Variants in DPP6 observed in about 807,000 individuals in gnomAD.
DPP6 encodes dipeptidyl peptidase like 6, also known as A-type potassium channel modulatory protein DPP6.
DPP6 carries 69 observed loss-of-function variants against 122.6 expected under a neutral mutation model. That is an observed-to-expected ratio of 0.56 (90% CI 0.46 to 0.69). The LOEUF is 0.69. DPP6 is among the 30% of genes least tolerant of loss of function. DPP6 has a pLI of 0.00. For missense variants in DPP6, 928 were observed against 1,116.9 expected (o/e 0.83, Z 2.41); for synonymous variants, 418 against 433.1 (o/e 0.97, Z 0.43).
intron 1 of DPP6, among the ~76,000 whole-genome samples, chr7:154,401,198 G>GAAAAAAAAAAA (rs201846972): frequency 7.3e-6 from 1 of 137,864 alleles, no homozygotes; most frequent in Admixed American, 7.2e-5. Flanking sequence ...CTCCATCTCA[G>GAAAAAAAAAAA]AAAAAACAAA....
At chr7:154,699,838 G>T (rs1185486656) in intron 7 of DPP6, among the ~76,000 whole-genome samples, 2 of 152,190 alleles carry the variant, frequency 1.3e-5, no homozygotes, top group Non-Finnish European at 2.9e-5. Context: ...CTGCATCTCA[G>T]TTCCATAAAG....
intron 1 of DPP6, among the ~76,000 whole-genome samples, chr7:153,891,044 T>C (rs1410015739): frequency 4.8e-5 from 5 of 103,870 alleles, no homozygotes; most frequent in African/African-American, 1.1e-4. Flanking sequence ...TTTTTTGAGA[T>C]GGAGTCTCAC....
At chr7:154,828,172 C>T (rs1175491874) in intron 16 of DPP6, among the ~76,000 whole-genome samples, 2 of 152,206 alleles carry the variant, frequency 1.3e-5, no homozygotes, top group East Asian at 1.9e-4. Flanking sequence ...TGGAGGAGAA[C>T]GCCTTATTCG....
chr7:153,901,517 A>T (rs972773099), intron 1 of DPP6, among the ~76,000 whole-genome samples: 2 of 152,216 alleles, frequency 1.3e-5, no homozygotes, highest in Non-Finnish European at 2.9e-5. Flanking sequence ...ATAAAGCAAC[A>T]CAGAAGAAGG....
intron 16 of DPP6, among the ~76,000 whole-genome samples, chr7:154,846,614 G>A (rs902679954): frequency 3.9e-5 from 6 of 152,150 alleles, no homozygotes; most frequent in Non-Finnish European, 7.3e-5. Flanking sequence ...CTAGCTTAAC[G>A]ACAGATGCAG....
intron 1 of DPP6, among the ~76,000 whole-genome samples, chr7:154,006,299 A>G (rs1159438688): frequency 6.6e-6 from 1 of 151,726 alleles, no homozygotes; most frequent in African/African-American, 2.4e-5. Flanking sequence ...CAAGGTTTTT[A>G]TTATGTCTAG....
At chr7:153,921,104 C>A (rs201480409) in intron 1 of DPP6, among the ~76,000 whole-genome samples, 1 of 152,226 alleles carries the variant, frequency 6.6e-6, no homozygotes, top group Non-Finnish European at 1.5e-5. Context: ...TAGGAGAAAG[C>A]GAGTGTTAGG....
At position 154,618,397 on chromosome 7, in the gene DPP6, C is replaced by T. The variant is rs1205758441; in HGVS notation, c.628-19424C>T. On this transcript the variant is annotated intron_variant, in intron 5 of 25. Transcript: ENST00000377770. This position sits in a 1 kb window ranked among gnomAD's most constrained non-coding sequence, Gnocchi z 4.1. ...CCTCTAACTGCAGCGAGCTGGATTTCAGACCCTTCCTGTGCACACACACTG... is the reference window on the plus strand; with the variant it reads ...CCTCTAACTGCAGCGAGCTGGATTTTAGACCCTTCCTGTGCACACACACTG... Among the ~76,000 whole-genome samples the T allele has an allele frequency of 6.6e-6, 1 of 152,176 alleles. No individual in the cohort carries two copies. Among genetic ancestry groups the T allele is most frequent in the Non-Finnish European group, 1.5e-5 (1 of 68,028 alleles).
chr7:154,458,169 T>A (rs1054025535), intron 2 of DPP6, among the ~76,000 whole-genome samples: 2 of 152,140 alleles, frequency 1.3e-5, no homozygotes, highest in African/African-American at 2.4e-5. Context: ...CATCTTGAAT[T>A]GTAGCTCCCA....
At chr7:154,824,273 TTTG>T (rs1488106221) in intron 16 of DPP6, among the ~76,000 whole-genome samples, 68 of 8,400 alleles carry the variant, frequency 8.1e-3, no homozygotes, top group Non-Finnish European at 0.022. Flanking sequence ...TGTTGTTTTG[TTTG>T]TTTGTTTGTT....
intron 21 of DPP6, among the ~76,000 whole-genome samples, chr7:154,881,625 C>A (rs1805395652): frequency 6.6e-6 from 1 of 152,170 alleles, no homozygotes; most frequent in Non-Finnish European, 1.5e-5. Flanking sequence ...GCAGAGGAGG[C>A]CTTGCTGTGA....
At chr7:153,888,339 C>A (rs2128992097) in intron 1 of DPP6, among the ~76,000 whole-genome samples, 1 of 152,330 alleles carries the variant, frequency 6.6e-6, no homozygotes, top group East Asian at 1.9e-4. Context: ...ACTTCGTCCC[C>A]CAGGAGGGCC....
chr7:154,729,442 C>T (rs1356750031), intron 8 of DPP6, among the ~76,000 whole-genome samples: 1 of 152,204 alleles, frequency 6.6e-6, no homozygotes, highest in Non-Finnish European at 1.5e-5. Flanking sequence ...CCATAAAGTT[C>T]TATGACTTGA....
intron 3 of DPP6, among the ~76,000 whole-genome samples, chr7:154,498,342 T>G (rs1824931675): frequency 6.6e-6 from 1 of 152,182 alleles, no homozygotes; most frequent in African/African-American, 2.4e-5. Flanking sequence ...TTTATTATTT[T>G]TTATTTTATT....
upstream of DPP6, among the ~76,000 whole-genome samples, chr7:154,051,744 G>A (rs1357526459): frequency 6.6e-6 from 1 of 150,748 alleles, no homozygotes; most frequent in Admixed American, 6.6e-5. Context: ...GCCCGCGAGG[G>A]GCGCCTGGGC....
the DPP6 span, among the ~76,000 whole-genome samples, chr7:153,843,640 G>T: frequency 1.3e-5 from 2 of 152,062 alleles, no homozygotes; most frequent in Non-Finnish European, 2.9e-5. Context: ...AGGTGAGATG[G>T]TCACATGGGG....
chr7:154,113,252 T>C lies in DPP6; in HGVS notation c.243+60189T>C, dbSNP rs188753171. Among the ~76,000 whole-genome samples the C allele has an allele frequency of 2.6e-5, 4 of 152,298 alleles. No homozygotes were observed. In the East Asian group the frequency reaches 7.7e-4, roughly 29 times the overall value. On this transcript the variant is annotated intron_variant, in intron 1 of 25. Coordinates refer to ENST00000377770, the MANE Select transcript of DPP6 (RefSeq NM_130797.4). ...GGATACGTACCTGGAAATGAGATTGTTGGATTATATGGTGGTTCTATTTTT... is the reference window on the plus strand; with the variant it reads ...GGATACGTACCTGGAAATGAGATTGCTGGATTATATGGTGGTTCTATTTTT...
the DPP6 span, among the ~76,000 whole-genome samples, chr7:153,873,076 C>A: frequency 1.3e-5 from 2 of 152,208 alleles, no homozygotes; most frequent in Non-Finnish European, 2.9e-5. Context: ...CCTCAGGCTG[C>A]TTCCACTCAT....
intron 7 of DPP6, among the ~76,000 whole-genome samples, chr7:154,684,188 C>T (rs1391228789): frequency 1.3e-5 from 2 of 152,048 alleles, no homozygotes; most frequent in Non-Finnish European, 2.9e-5. Flanking sequence ...CTCTTAATCC[C>T]CCACCCCTCA....
Sources: gnomAD v4.1 joint callset for allele counts (sites outside exome capture counted in the v4.1 genomes callset) on GRCh38, gnomAD v4.1.1 for gene constraint, Gnocchi (gnomAD v3.1) non-coding constraint, MANE v1.5 for transcripts, NCBI Gene and HGNC (gene_info 2026-07-23, HGNC 2026-07-21) for gene names.